Variants in FAM72D observed in about 807,000 individuals in gnomAD.
The protein encoded by FAM72D is protein FAM72D.
For missense variants in FAM72D, 9 were observed against 104.7 expected, an observed-to-expected ratio of 0.09 and a Z score of 3.99; for synonymous variants, 4 against 35.1, an observed-to-expected ratio of 0.11 and a Z score of 3.13.
rs587759858 is a variant in FAM72D at position 145,097,492 on chromosome 1, A to ACT, written c.152+504_152+505dup. ...TCAAATTCAGTTTTCTTTCCTCAAAACTCTCTCTCTCTGAAAGAGATGTAA... is the reference window on the plus strand; with the variant it reads ...TCAAATTCAGTTTTCTTTCCTCAAAACTCTCTCTCTCTCTGAAAGAGATGTAA... On this transcript the variant is annotated intron_variant, in intron 1 of 3. Coordinates refer to ENST00000400889, the MANE Select transcript of FAM72D (RefSeq NM_207418.3). 8.3e-3 allele frequency among the ~76,000 whole-genome samples: 98 copies of ACT among 11,740 alleles called. 2 individuals carry two copies. Among genetic ancestry groups the ACT allele is most frequent in the East Asian group, 0.069 (44 of 634 alleles). The allele number at this position is 11,740 out of a possible 152,430, so 7.7% of individuals were successfully genotyped here. A position where few individuals can be genotyped will look rare whatever the true frequency, so the allele number is the denominator to read the frequency against.
chr1:145,107,596 C>T, intron 3 of FAM72D, among the ~76,000 whole-genome samples: 1 of 95,814 alleles, frequency 1.0e-5, no homozygotes, highest in Non-Finnish European at 2.2e-5. Context: ...GTCATTCTGT[C>T]ACCCAGGCTG....
At chr1:145,094,331 T>C (rs587769593), upstream of FAM72D, among the ~76,000 whole-genome samples, 200 of 11,258 alleles carry the variant, frequency 0.018, 2 homozygotes, top group Non-Finnish European at 0.028. Flanking sequence ...GCCCGGCGAC[T>C]AGCTCCCTCG....
chr1:145,105,619 C>T (rs1301883274), intron 3 of FAM72D, among the ~76,000 whole-genome samples: 10 of 148,662 alleles, frequency 6.7e-5, no homozygotes, highest in Non-Finnish European at 8.9e-5. Context: ...GAGCCGAGAT[C>T]GCACCATTGC....
intron 3 of FAM72D, among the ~76,000 whole-genome samples, chr1:145,105,977 G>A (rs1200366907): frequency 6.8e-6 from 1 of 147,728 alleles, no homozygotes; most frequent in Admixed American, 6.7e-5. Context: ...GAAAAGAAAA[G>A]AAAAATCTGT....
chr1:145,101,383 CT>C (rs1367078208), intron 2 of FAM72D, among the ~76,000 whole-genome samples: 1 of 111,512 alleles, frequency 9.0e-6, no homozygotes. Context: ...ATTTTTTGGT[CT>C]TACTCTTTGA....
At chr1:145,105,952 C>G (rs1330976154) in intron 3 of FAM72D, among the ~76,000 whole-genome samples, 2 of 133,664 alleles carry the variant, frequency 1.5e-5, no homozygotes, top group Non-Finnish European at 3.2e-5. Context: ...AACTCCATCT[C>G]AAAAAAAAAA....
chr1:145,100,847 G>C (rs1401785767), intron 2 of FAM72D, among the ~76,000 whole-genome samples: 1 of 150,486 alleles, frequency 6.6e-6, no homozygotes. Context: ...TGTTAGCCAG[G>C]CTGGTCTCAA....
chr1:145,100,502 T>C (rs587682238), intron 2 of FAM72D, among the ~76,000 whole-genome samples: 47 of 147,002 alleles, frequency 3.2e-4, no homozygotes, highest in African/African-American at 1.2e-3. Context: ...TTTTTTTTTT[T>C]TTTTTTTAAG....
At chr1:145,105,545 T>A (rs1314470198) in intron 3 of FAM72D, among the ~76,000 whole-genome samples, 5,210 of 138,038 alleles carry the variant, frequency 0.038, 152 homozygotes, top group Non-Finnish European at 0.056. Context: ...TGGTGGTACA[T>A]GCCCAGCTAC....
chr1:145,102,747 CAAT>C (rs199492496), intron 2 of FAM72D, among the ~76,000 whole-genome samples: 18,320 of 109,700 alleles, frequency 0.17, 1,112 homozygotes, highest in African/African-American at 0.21. Flanking sequence ...AACTCGGTCT[CAAT>C]AATAATAATA....
chr1:145,099,986 T>C (rs1336787389), intron 2 of FAM72D, among the ~76,000 whole-genome samples: 1 of 139,272 alleles, frequency 7.2e-6, no homozygotes, highest in Non-Finnish European at 1.5e-5. Flanking sequence ...TCCATGTTGG[T>C]CAGGCTGCTC....
chr1:145,097,138 A>G, intron 1 of FAM72D, 139 bp downstream of exon 1: 2 of 1,533,066 alleles, frequency 1.3e-6, no homozygotes, highest in Non-Finnish European at 1.8e-6. Context: ...CCCTTGTAAT[A>G]TATCTAAGTG....
chr1:145,108,086 C>T (rs1334753215), intron 3 of FAM72D, among the ~76,000 whole-genome samples: 1 of 144,812 alleles, frequency 6.9e-6, no homozygotes, highest in Non-Finnish European at 1.5e-5. Context: ...CTCCCAGGCT[C>T]AAGCCATTCT....
intron 3 of FAM72D, among the ~76,000 whole-genome samples, chr1:145,104,200 T>C (rs1654840452): frequency 6.7e-6 from 1 of 148,566 alleles, no homozygotes; most frequent in Non-Finnish European, 1.5e-5. Context: ...AATGATCATC[T>C]GAACCTTCAG....
intron 2 of FAM72D, among the ~76,000 whole-genome samples, chr1:145,101,005 C>G (rs9697598): frequency 4.6e-5 from 7 of 150,560 alleles, no homozygotes; most frequent in African/African-American, 1.0e-4. Context: ...GCAATGGCAT[C>G]ATCTTGGCTC....
At chr1:145,094,770 GC>G, upstream of FAM72D, 1 of 536,022 alleles carries the variant, frequency 1.9e-6, no homozygotes, top group Non-Finnish European at 3.2e-6. Flanking sequence ...CTCGGGGAGA[GC>G]CCCGGAAGCT....
chr1:145,105,790 T>C (rs1203070855), intron 3 of FAM72D, among the ~76,000 whole-genome samples: 1 of 147,328 alleles, frequency 6.8e-6, no homozygotes, highest in Non-Finnish European at 1.5e-5. Flanking sequence ...CCGTCTCTAC[T>C]AAAAATACAA....
At chr1:145,107,394 G>A (rs1287011976) in intron 3 of FAM72D, among the ~76,000 whole-genome samples, 18 of 119,460 alleles carry the variant, frequency 1.5e-4, no homozygotes, top group Middle Eastern at 4.5e-3. Flanking sequence ...ACAGGCATAC[G>A]CCCAGCTAAT....
At position 145,112,595 on chromosome 1, in the gene FAM72D, TA is replaced by T. The variant is rs1168548187; in HGVS notation, c.*1001del. On this transcript the variant is annotated 3_prime_UTR_variant, in exon 4 of 4. Transcript: ENST00000400889. ...CAAAGCAGACTGAGTTGTGGTTTTG[TA>T]AATAAAGTTTTTTCTAAAAATGACC... 2 of 131,474 alleles carry T rather than the reference TA, an allele frequency of 1.5e-5. No homozygotes were observed. Among genetic ancestry groups the T allele is most frequent in the East Asian group, 2.2e-4 (1 of 4,504 alleles). 8.1% of individuals were successfully genotyped at this position (131,474 alleles called of 1,614,324 possible). A position where few individuals can be genotyped will look rare whatever the true frequency, so the allele number is the denominator to read the frequency against.
Sources: allele counts gnomAD v4.1 joint callset (sites outside exome capture counted in the v4.1 genomes callset), GRCh38; gene constraint gnomAD v4.1.1; transcripts MANE v1.5; gene names NCBI Gene and HGNC (gene_info 2026-07-23, HGNC 2026-07-21).